SP4: variants seen among roughly 807,000 people sequenced by gnomAD.
The protein encoded by SP4 is Sp4 transcription factor, also known as transcription factor Sp4.
A neutral mutation model predicts 72.8 loss-of-function variants in SP4; 19 were observed. The ratio of observed to expected loss-of-function variants is 0.26; its 90% CI spans 0.18 to 0.38. SP4 has a LOEUF of 0.38. Ranked by LOEUF, SP4 falls within the 10% of genes least tolerant of loss-of-function variation. The probability of loss-of-function intolerance (pLI) is 1.00; values close to 1 mark genes in which losing one functional copy is unlikely to be tolerated. For missense variants in SP4, 1,008 were observed against 926.3 expected (o/e 1.09, Z -1.14); for synonymous variants, 395 against 333.1 (o/e 1.19, Z -2.02).
chr7:21,430,520 C>G lies in SP4; in HGVS notation c.1355C>G (p.Thr452Ser). The change falls in exon 3 of 6, where the codon ACT becomes AGT. Residue 452 changes from threonine (T) to serine (S), a missense_variant. Thr to Ser is a moderately conservative substitution (Grantham distance 58). Coordinates refer to ENST00000222584, the MANE Select transcript of SP4 (RefSeq NM_003112.5). ...QNVQLQAVNP[T>S]QVLIRAPTLT... ...GTTCAACTTCAAGCAGTAAATCCGACTCAGGTGCTTATCAGGGCTCCAACT... is the reference window on the plus strand; with the variant it reads ...GTTCAACTTCAAGCAGTAAATCCGAGTCAGGTGCTTATCAGGGCTCCAACT... 1.2e-6 allele frequency: 2 copies of G among 1,614,230 alleles called. No individual in the cohort carries two copies. Among genetic ancestry groups the G allele is most frequent in the Non-Finnish European group, 1.7e-6 (2 of 1,180,038 alleles).
Position 21,430,499 on chromosome 7 carries a change from A to G in SP4, c.1334A>G (p.Gln445Arg), listed in dbSNP as rs542628844. ...TIQQQPLQNVQLQAVNPTQVL... is the reference protein window; with the variant it reads ...TIQQQPLQNVRLQAVNPTQVL... The stretch of plus-strand genomic sequence containing the variant: ...CAGCAGCAGCCTTTACAGAATGTTC[A>G]ACTTCAAGCAGTAAATCCGACTCAG... Residue 445 changes from glutamine to arginine, a missense_variant, in exon 3 of 6, where the codon CAA (glutamine) becomes CGA (arginine). Physicochemically the swap from Gln to Arg is conservative, Grantham distance 43. Around this residue, in one of 3 missense-constraint regions of SP4, gnomAD observed 893 missense variants for 743.3 expected, o/e 1.20. Coordinates refer to ENST00000222584, the MANE Select transcript of SP4 (RefSeq NM_003112.5). 1.2e-6 allele frequency: 2 copies of G among 1,614,242 alleles called. No individual in the cohort carries two copies. The highest frequency in any genetic ancestry group is 1.7e-6 in the Non-Finnish European group (2 of 1,180,030).
At chr7:21,478,698 T>C (rs989563858) in intron 4 of SP4, among the ~76,000 whole-genome samples, 2 of 152,244 alleles carry the variant, frequency 1.3e-5, no homozygotes. Flanking sequence ...TTTTAAATTA[T>C]ATTATTTATT....
rs1406226819 is a variant in SP4, at chr7:21,513,498, A to G, written c.*2229A>G. Reference sequence around the variant, plus strand: ...TGTTTGGTACAGAGGAGCATTTGGTAGTGTTCATTTTAATTTTATTATATA... The same window carrying G: ...TGTTTGGTACAGAGGAGCATTTGGTGGTGTTCATTTTAATTTTATTATATA... On this transcript the variant is annotated 3_prime_UTR_variant, in exon 6 of 6. Coordinates refer to ENST00000222584, the MANE Select transcript of SP4 (RefSeq NM_003112.5). 6.6e-6 allele frequency: 1 copy of G among 152,600 alleles called. No homozygotes were observed. The highest frequency in any genetic ancestry group is 1.5e-5 in the Non-Finnish European group (1 of 68,016). 9.5% of individuals were successfully genotyped at this position (152,600 alleles called of 1,614,324 possible). A position where few individuals can be genotyped will look rare whatever the true frequency, so the allele number is the denominator to read the frequency against.
chr7:21,483,746 A>G (rs750812280), intron 5 of SP4, among the ~76,000 whole-genome samples: 4 of 151,596 alleles, frequency 2.6e-5, no homozygotes, highest in African/African-American at 4.8e-5. Flanking sequence ...CTGTGGTTTT[A>G]TATTAAGCCT....
chr7:21,503,140 T>C (rs1235113356), intron 5 of SP4, among the ~76,000 whole-genome samples: 1 of 152,114 alleles, frequency 6.6e-6, no homozygotes, highest in East Asian at 1.9e-4. Flanking sequence ...AGCACCAAGT[T>C]ACCAGGCTGA....
rs192649454 is a variant in SP4, at chr7:21,449,525, A to C, written c.1678+18682A>C. Reference sequence around the variant, plus strand: ...CTTGAAGAGATTCAGAATGGTACTGAAATACATATGCGTGTATAGGTAAAT... The same window carrying C: ...CTTGAAGAGATTCAGAATGGTACTGCAATACATATGCGTGTATAGGTAAAT... On this transcript the variant is annotated intron_variant, in intron 3 of 5. Transcript: ENST00000222584. Among the ~76,000 whole-genome samples the C allele has an allele frequency of 1.8e-3, 267 of 152,348 alleles. 2 individuals are homozygous for C. The highest frequency in any genetic ancestry group is 2.5e-4 in the Non-Finnish European group (17 of 68,040).
chr7:21,458,286 G>A (rs1443188004), intron 3 of SP4, among the ~76,000 whole-genome samples: 1 of 152,098 alleles, frequency 6.6e-6, no homozygotes, highest in Admixed American at 6.5e-5. Flanking sequence ...TCCGCCTCCT[G>A]GGTTCAAGCA....
chr7:21,466,427 A>C (rs1346825126), intron 3 of SP4, among the ~76,000 whole-genome samples: 1 of 152,194 alleles, frequency 6.6e-6, no homozygotes, highest in Non-Finnish European at 1.5e-5. Flanking sequence ...GACGTGTGCT[A>C]TATACACTAT....
At chr7:21,440,615 C>T (rs948364792) in intron 3 of SP4, among the ~76,000 whole-genome samples, 3 of 151,866 alleles carry the variant, frequency 2.0e-5, no homozygotes, top group South Asian at 2.1e-4. Flanking sequence ...TTTGGGAGGC[C>T]GAGGCAGGCA....
intron 5 of SP4, among the ~76,000 whole-genome samples, chr7:21,504,158 C>T (rs1040810216): frequency 1.3e-5 from 2 of 152,146 alleles, no homozygotes; most frequent in Admixed American, 6.5e-5. Flanking sequence ...TTTCCTGTAG[C>T]TTCTATAGTG....
In SP4 at chr7:21,461,540, G is replaced by C. The variant is rs909067148; in HGVS notation, c.1679-15539G>C. Among the ~76,000 whole-genome samples, 8 of 152,188 alleles carry C rather than the reference G, an allele frequency of 5.3e-5. No individual in the cohort carries two copies. The East Asian group carries it at 1.4e-3, about 26-fold the overall frequency. On this transcript the variant is annotated intron_variant, in intron 3 of 5. Coordinates refer to ENST00000222584, the MANE Select transcript of SP4 (RefSeq NM_003112.5). ...GGCCGGCAGGCCAGCCGCTCCAAGT[G>C]CAGGGCCCGCCAAGCCCACACCCAC...
chr7:21,432,474 G>T (rs926652729), intron 3 of SP4, among the ~76,000 whole-genome samples: 1 of 152,142 alleles, frequency 6.6e-6, no homozygotes, highest in Non-Finnish European at 1.5e-5. Flanking sequence ...TTATAATTTA[G>T]GTTAGAAGTA....
intron 3 of SP4, among the ~76,000 whole-genome samples, chr7:21,461,890 G>A (rs1005532260): frequency 6.6e-5 from 10 of 152,180 alleles, no homozygotes; most frequent in African/African-American, 2.4e-4. Context: ...AGAAAATGAA[G>A]TTCACAAGGT....
intron 3 of SP4, among the ~76,000 whole-genome samples, chr7:21,443,999 T>G (rs2128395740): frequency 6.6e-6 from 1 of 152,356 alleles, no homozygotes; most frequent in South Asian, 2.1e-4. Flanking sequence ...ATTTTTATTT[T>G]CAGAATTTCT....
At position 21,429,717 on chromosome 7, in the gene SP4, T is replaced by A; in HGVS notation, c.552T>A (p.Thr184=). 2.5e-6 allele frequency: 4 copies of A among 1,614,166 alleles called. No homozygotes were observed. Among genetic ancestry groups the A allele is most frequent in the Non-Finnish European group, 3.4e-6 (4 of 1,180,012 alleles). ...GTCAACAAATTCAAATCAATCCAAC[T>A]AGTAGTTCATCTCTACAGGATTTGC... ...VEGQQIQINP[T]SSSSLQDLQG... Residue 184 remains threonine, a synonymous_variant, in exon 3 of 6, where the codon ACT becomes ACA. Transcript: ENST00000222584.
intron 5 of SP4, among the ~76,000 whole-genome samples, chr7:21,489,736 T>G (rs1784923743): frequency 6.6e-6 from 1 of 151,992 alleles, no homozygotes; most frequent in Admixed American, 6.5e-5. Flanking sequence ...ATTTTTTGTA[T>G]TTTTAGTAGA....
In SP4 at chr7:21,430,692, G is replaced by T. The variant is rs369801483; in HGVS notation, c.1527G>T (p.Gln509His). Reference sequence around the variant, plus strand: ...CAAGTGGTGGCACAACTCTTGCTCAGATTGCTCCTGTGGCTGTTGCTGGTG... The same window carrying T: ...CAAGTGGTGGCACAACTCTTGCTCATATTGCTCCTGTGGCTGTTGCTGGTG... ...VSSSGGTTLAQIAPVAVAGAP... is the reference protein window; with the variant it reads ...VSSSGGTTLAHIAPVAVAGAP... Residue 509 changes from glutamine (Q) to histidine (H), a missense_variant, in exon 3 of 6, where the codon CAG becomes CAT. Physicochemically the swap from Gln to His is conservative, Grantham distance 24. Coordinates refer to ENST00000222584, the MANE Select transcript of SP4 (RefSeq NM_003112.5). The T allele has an allele frequency of 6.2e-7, 1 of 1,614,220 alleles. No homozygotes were observed. Among genetic ancestry groups the T allele is most frequent in the Non-Finnish European group, 8.5e-7 (1 of 1,180,040 alleles).
chr7:21,440,053 T>TGGTTCTTATAGTA (rs1271797562), intron 3 of SP4, among the ~76,000 whole-genome samples: 1 of 152,182 alleles, frequency 6.6e-6, no homozygotes, highest in Non-Finnish European at 1.5e-5. Flanking sequence ...ATCAGAGGTA[T>TGGTTCTTATAGTA]GGTTCTTATA....
intron 4 of SP4, among the ~76,000 whole-genome samples, chr7:21,480,275 A>G (rs1175023226): frequency 6.6e-6 from 1 of 152,196 alleles, no homozygotes; most frequent in Admixed American, 6.5e-5. Context: ...GCTTCATAGA[A>G]TGAATTGGAA....
Sources: allele counts gnomAD v4.1 joint callset (sites outside exome capture counted in the v4.1 genomes callset), GRCh38; gene constraint gnomAD v4.1.1; regional missense constraint gnomAD v4.1.1; transcripts MANE v1.5; gene names NCBI Gene and HGNC (gene_info 2026-07-23, HGNC 2026-07-21).